Variants in KCTD16 observed in about 807,000 individuals in gnomAD.
KCTD16 encodes the protein potassium channel tetramerization domain containing 16.
KCTD16 carries 13 observed loss-of-function variants against 33.2 expected under a neutral mutation model. The ratio of observed to expected loss-of-function variants is 0.39; its 90% CI spans 0.25 to 0.62. KCTD16 has a LOEUF of 0.62. KCTD16 is among the 20% of genes least tolerant of loss of function. KCTD16 has a pLI of 0.50. For missense variants in KCTD16, 441 were observed against 525.1 expected (o/e 0.84, Z 1.57); for synonymous variants, 197 against 195.3 (o/e 1.01, Z -0.07).
At chr5:144,433,106 C>T (rs1753501016) in intron 3 of KCTD16, among the ~76,000 whole-genome samples, 1 of 152,142 alleles carries the variant, frequency 6.6e-6, no homozygotes, top group African/African-American at 2.4e-5. Flanking sequence ...TCTTACCTGT[C>T]ACAGTAGGCA....
At chr5:144,183,848 T>A (rs570912373) in intron 2 of KCTD16, among the ~76,000 whole-genome samples, 15 of 152,208 alleles carry the variant, frequency 9.9e-5, no homozygotes, top group Non-Finnish European at 2.9e-5. Flanking sequence ...GGTTTCATGC[T>A]TTACATAATA....
intron 3 of KCTD16, among the ~76,000 whole-genome samples, chr5:144,315,782 A>T (rs1451222770): frequency 6.6e-6 from 1 of 152,202 alleles, no homozygotes; most frequent in Non-Finnish European, 1.5e-5. Context: ...ACTATATTTA[A>T]CTAGATAAGG....
At chr5:144,200,401 C>T (rs1172559009) in intron 2 of KCTD16, among the ~76,000 whole-genome samples, 3 of 152,188 alleles carry the variant, frequency 2.0e-5, no homozygotes, top group African/African-American at 4.8e-5. Flanking sequence ...AGGATCTCCA[C>T]TCCCAACTTT....
At chr5:144,435,297 A>G (rs1753550992) in intron 3 of KCTD16, among the ~76,000 whole-genome samples, 1 of 152,200 alleles carries the variant, frequency 6.6e-6, no homozygotes, top group Admixed American at 6.5e-5. Flanking sequence ...TATCACCCGT[A>G]GATTTGTTGT....
intron 3 of KCTD16, among the ~76,000 whole-genome samples, chr5:144,255,262 A>G (rs1034440717): frequency 2.0e-5 from 3 of 152,190 alleles, no homozygotes; most frequent in African/African-American, 7.2e-5. Flanking sequence ...GGCTTTTGTG[A>G]ATAGTGCTGC....
intron 3 of KCTD16, among the ~76,000 whole-genome samples, chr5:144,399,674 A>T (rs1209945245): frequency 6.6e-6 from 1 of 152,220 alleles, no homozygotes; most frequent in Admixed American, 6.5e-5. Flanking sequence ...GATACACCAG[A>T]TGAACAAACA....
At chr5:144,253,532 G>A (rs1046398990) in intron 3 of KCTD16, among the ~76,000 whole-genome samples, 4 of 152,142 alleles carry the variant, frequency 2.6e-5, no homozygotes, top group Non-Finnish European at 5.9e-5. Context: ...TCAAATATAA[G>A]GACTAGCTTT....
chr5:144,451,898 C>T (rs78691202), intron 3 of KCTD16, among the ~76,000 whole-genome samples: 2 of 152,002 alleles, frequency 1.3e-5, no homozygotes, highest in African/African-American at 2.4e-5. Context: ...GGACCTCAGA[C>T]ATTTTCCTTA....
chr5:144,207,669 G>A, intron 3 of KCTD16, 123 bp downstream of exon 3: 1 of 751,528 alleles, frequency 1.3e-6, no homozygotes, highest in Non-Finnish European at 2.1e-6. Flanking sequence ...CTCTTGAGTT[G>A]TAGTTAGAGG....
Position 144,485,307 on chromosome 5 carries a change from C to T in KCTD16, c.*11193C>T, listed in dbSNP as rs1328268278. The T allele has an allele frequency of 1.3e-5, 2 of 151,694 alleles. No homozygotes were observed. The highest frequency in any genetic ancestry group is 2.9e-5 in the Non-Finnish European group (2 of 67,832). The allele number at this position is 151,694 out of a possible 1,614,324, so 9.4% of individuals were successfully genotyped here. On this transcript the variant is annotated 3_prime_UTR_variant, in exon 4 of 4. Coordinates refer to ENST00000512467, the MANE Select transcript of KCTD16 (RefSeq NM_020768.4). ...GCCCTGAGCAACATATAAATATATA[C>T]ATACATATCTATGTATGCAATATCT...
chr5:144,315,169 A>G (rs1026355869), intron 3 of KCTD16, among the ~76,000 whole-genome samples: 5 of 152,226 alleles, frequency 3.3e-5, no homozygotes, highest in African/African-American at 9.6e-5. Flanking sequence ...TGAAGACCAG[A>G]GAACTGCCTC....
chr5:144,245,493 A>G (rs1383085684), intron 3 of KCTD16, among the ~76,000 whole-genome samples: 1 of 152,200 alleles, frequency 6.6e-6, no homozygotes, highest in Non-Finnish European at 1.5e-5. Flanking sequence ...GAAGAATGAC[A>G]TGTCTGAAGA....
rs2127008035 is a variant in KCTD16 at position 144,481,989 on chromosome 5, A to G, written c.*7875A>G. 1 of 152,076 alleles carries G rather than the reference A, an allele frequency of 6.6e-6. No individual in the cohort carries two copies. Among genetic ancestry groups the G allele is most frequent in the South Asian group, 2.1e-4 (1 of 4,822 alleles). 9.4% of individuals were successfully genotyped at this position (152,076 alleles called of 1,614,324 possible). A position where few individuals can be genotyped will look rare whatever the true frequency, so the allele number is the denominator to read the frequency against. On this transcript the variant is annotated 3_prime_UTR_variant, in exon 4 of 4. Transcript: ENST00000512467. ...AGCCCTACCACTATCCTCTCTTTAC[A>G]GATGAGGTCAGTGAGGCTCAGAAAG... is the stretch of plus-strand genomic sequence containing the variant.
rs1161313964 is a variant in KCTD16, at chr5:144,476,912, A to T, written c.*2798A>T. On this transcript the variant is annotated 3_prime_UTR_variant, in exon 4 of 4. Transcript: ENST00000512467. ...ACAATATATATGGTTTACTTCTCGA[A>T]CATTGGTTATGACAAGGGCCATAAA... The T allele has an allele frequency of 6.6e-6, 1 of 152,164 alleles. No individual in the cohort carries two copies. The highest frequency in any genetic ancestry group is 1.5e-5 in the Non-Finnish European group (1 of 68,014). 9.4% of individuals were successfully genotyped at this position (152,164 alleles called of 1,614,324 possible).
At chr5:144,232,790 C>T (rs185305027) in intron 3 of KCTD16, among the ~76,000 whole-genome samples, 39 of 152,134 alleles carry the variant, frequency 2.6e-4, no homozygotes, top group South Asian at 2.1e-3. Context: ...TTTAACCCAC[C>T]GTGTCAAAAA....
intron 3 of KCTD16, among the ~76,000 whole-genome samples, chr5:144,304,020 G>A (rs1044242962): frequency 1.8e-4 from 27 of 151,996 alleles, no homozygotes; most frequent in Admixed American, 1.3e-3. Flanking sequence ...TACCACTCCC[G>A]TTTATATAAT....
chr5:144,403,554 C>T (rs888589326), intron 3 of KCTD16, among the ~76,000 whole-genome samples: 1 of 152,188 alleles, frequency 6.6e-6, no homozygotes, highest in Non-Finnish European at 1.5e-5. Flanking sequence ...CAGATTCTCC[C>T]TCTGAGGCTG....
intron 3 of KCTD16, among the ~76,000 whole-genome samples, chr5:144,334,528 C>A (rs1752432656): frequency 1.3e-5 from 2 of 152,146 alleles, no homozygotes; most frequent in African/African-American, 4.8e-5. Context: ...CTTCTGGTGG[C>A]ATTCACAGTA....
At chr5:144,361,247 T>C (rs1411825218) in intron 3 of KCTD16, among the ~76,000 whole-genome samples, 5 of 152,088 alleles carry the variant, frequency 3.3e-5, no homozygotes, top group Admixed American at 1.3e-4. Flanking sequence ...TCTGTCTTTA[T>C]AGTAGAATGA....
Sources: allele counts gnomAD v4.1 joint callset (sites outside exome capture counted in the v4.1 genomes callset), GRCh38; gene constraint gnomAD v4.1.1; transcripts MANE v1.5; gene names NCBI Gene and HGNC (gene_info 2026-07-23, HGNC 2026-07-21).